Variants in FGF12 observed in about 807,000 individuals in gnomAD.
FGF12 encodes the protein fibroblast growth factor 12B.
Under a neutral mutation model 23.6 loss-of-function variants are expected in FGF12, and 14 were observed. The ratio of observed to expected loss-of-function variants is 0.59; its 90% CI spans 0.39 to 0.93. The LOEUF (loss-of-function observed/expected upper bound fraction) is 0.93. Ranked by LOEUF, FGF12 falls within the 40% of genes least tolerant of loss-of-function variation. The probability of loss-of-function intolerance (pLI) is 0.00; values close to 1 mark genes in which losing one functional copy is unlikely to be tolerated. For missense variants in FGF12, 175 were observed against 217.8 expected (o/e 0.80, Z 1.24); for synonymous variants, 62 against 77.3 (o/e 0.80, Z 1.04).
At chr3:192,180,883 G>A (rs1350679918) in intron 4 of FGF12, among the ~76,000 whole-genome samples, 3 of 152,134 alleles carry the variant, frequency 2.0e-5, no homozygotes, top group Admixed American at 1.3e-4. Context: ...GTATTTGCTT[G>A]GCTCTGTGTT....
chr3:192,512,860 A>ATATATATATATATATAT (rs1183426762), intron 2 of FGF12, among the ~76,000 whole-genome samples: 6 of 105,476 alleles, frequency 5.7e-5, no homozygotes, highest in African/African-American at 1.6e-4. Flanking sequence ...ATATATATAT[A>ATATATATATATATATAT]ACAGGCTATG....
At chr3:192,488,143 T>A (rs935330116) in intron 2 of FGF12, among the ~76,000 whole-genome samples, 35 of 152,152 alleles carry the variant, frequency 2.3e-4, no homozygotes, top group African/African-American at 8.2e-4. Context: ...CCTAAGCTAT[T>A]TATATTATGA....
At chr3:192,693,451 TA>T (rs1718009703) in intron 2 of FGF12, among the ~76,000 whole-genome samples, 7 of 152,230 alleles carry the variant, frequency 4.6e-5, no homozygotes, top group Non-Finnish European at 1.0e-4. Context: ...AGTCCCTGAA[TA>T]GCCAAAGCAG....
chr3:192,516,561 T>TC (rs1724675465), intron 2 of FGF12: 1 of 152,250 alleles, frequency 6.6e-6, no homozygotes, highest in African/African-American at 2.4e-5. Flanking sequence ...CTTCCTTTTT[T>TC]CTCTCAGAGG....
At position 192,190,468 on chromosome 3, in the gene FGF12, C is replaced by CTTTTTTTTTTT. The variant is rs34108891; in HGVS notation, c.229-19823_229-19813dup. ...TCTGACAATCTGTAAGCCCAATACTCTTTTTTTTTTTTTTTTTTTTTTTTT... is the reference window on the plus strand; with the variant it reads ...TCTGACAATCTGTAAGCCCAATACTCTTTTTTTTTTTTTTTTTTTTTTTTTTTTTTTTTTTT... On this transcript the variant is annotated intron_variant, in intron 4 of 5. Transcript: ENST00000445105. Among the ~76,000 whole-genome samples, 14 of 89,136 alleles carry CTTTTTTTTTTT rather than the reference C, an allele frequency of 1.6e-4. 1 individual carries two copies. The highest frequency in any genetic ancestry group is 4.0e-4 in the East Asian group (1 of 2,496). The allele number at this position is 89,136 out of a possible 152,430, so 58.5% of individuals were successfully genotyped here.
chr3:192,216,382 A>G (rs539181558), intron 4 of FGF12, among the ~76,000 whole-genome samples: 2 of 152,340 alleles, frequency 1.3e-5, no homozygotes, highest in African/African-American at 4.8e-5. Flanking sequence ...TTAACAACAA[A>G]ATGGAAATTA....
intron 2 of FGF12, among the ~76,000 whole-genome samples, chr3:192,592,701 G>T (rs1359752439): frequency 6.6e-6 from 1 of 151,690 alleles, no homozygotes; most frequent in Non-Finnish European, 1.5e-5. Context: ...CCACTTTCCA[G>T]AATTCCCTCA....
intron 5 of FGF12, among the ~76,000 whole-genome samples, chr3:192,155,161 C>T (rs368437853): frequency 3.3e-5 from 5 of 152,172 alleles, no homozygotes; most frequent in East Asian, 3.9e-4. Context: ...AATGCCTCGC[C>T]CTGCTTCGGC....
intron 2 of FGF12, among the ~76,000 whole-genome samples, chr3:192,584,529 GC>G (rs1271089855): frequency 1.3e-5 from 2 of 152,020 alleles, no homozygotes; most frequent in Non-Finnish European, 2.9e-5. Flanking sequence ...GCCTACTGTT[GC>G]CCTAGATACT....
chr3:192,228,929 A>T (rs111359948), intron 4 of FGF12, among the ~76,000 whole-genome samples: 43 of 152,168 alleles, frequency 2.8e-4, no homozygotes, highest in Admixed American at 2.6e-4. Context: ...ACGTTTTTTT[A>T]AAATTAACTT....
intron 4 of FGF12, among the ~76,000 whole-genome samples, chr3:192,272,539 T>C (rs1380965882): frequency 1.3e-5 from 2 of 152,158 alleles, no homozygotes; most frequent in Non-Finnish European, 2.9e-5. Flanking sequence ...ATATAAATCC[T>C]CAACAATGGA....
At chr3:192,450,443 CATAG>C (rs1268517357) in intron 2 of FGF12, among the ~76,000 whole-genome samples, 2 of 152,174 alleles carry the variant, frequency 1.3e-5, no homozygotes, top group African/African-American at 4.8e-5. Flanking sequence ...TAATACTAAA[CATAG>C]ATAGAACCGA....
At chr3:192,616,611 A>ATATTTTGAGAAGAG (rs1392543618) in intron 2 of FGF12, among the ~76,000 whole-genome samples, 2 of 152,184 alleles carry the variant, frequency 1.3e-5, no homozygotes, top group East Asian at 3.9e-4. Context: ...GAAAAAAAGT[A>ATATTTTGAGAAGAG]ATATGGGCAG....
chr3:192,656,218 C>T (rs73195153), intron 2 of FGF12, among the ~76,000 whole-genome samples: 4,759 of 151,500 alleles, frequency 0.031, 93 homozygotes, highest in Non-Finnish European at 0.05. Context: ...ACTGTTTCAT[C>T]CCAATCCTTT....
At chr3:192,417,111 A>G (rs1263439415) in intron 2 of FGF12, among the ~76,000 whole-genome samples, 2 of 152,072 alleles carry the variant, frequency 1.3e-5, no homozygotes, top group African/African-American at 4.8e-5. Context: ...GAGGAGATTT[A>G]TTTAAAAGTA....
rs150970483 is a variant in FGF12 at position 192,185,782 on chromosome 3, C to T, written c.229-15126G>A. On this transcript the variant is annotated intron_variant, in intron 4 of 5. Transcript: ENST00000445105. ...GGCTGAGGCAGAGAAATGCTTGAAC[C>T]CAGGAGGCGGAGGTGGCAATGAGCC... Among the ~76,000 whole-genome samples the T allele has an allele frequency of 3.3e-3, 501 of 151,764 alleles. 8 individuals carry two copies. Among genetic ancestry groups the T allele is most frequent in the East Asian group, 0.031 (161 of 5,148 alleles).
chr3:192,614,285 T>G (rs1397679058), intron 2 of FGF12, among the ~76,000 whole-genome samples: 1 of 151,920 alleles, frequency 6.6e-6, no homozygotes, highest in Non-Finnish European at 1.5e-5. Flanking sequence ...TCAAACAATC[T>G]GCTACAAAGA....
chr3:192,399,659 A>G (rs1720674893), intron 2 of FGF12, among the ~76,000 whole-genome samples: 2 of 152,250 alleles, frequency 1.3e-5, no homozygotes, highest in Admixed American at 6.5e-5. Context: ...TATATGATGC[A>G]TATTAGCATA....
intron 4 of FGF12, among the ~76,000 whole-genome samples, chr3:192,270,935 T>C (rs1322379981): frequency 6.6e-6 from 1 of 152,160 alleles, no homozygotes; most frequent in Non-Finnish European, 1.5e-5. Context: ...CAAATTCCAT[T>C]TAAATTGATT....
Sources: allele counts gnomAD v4.1 joint callset (sites outside exome capture counted in the v4.1 genomes callset), GRCh38; gene constraint gnomAD v4.1.1; transcripts MANE v1.5; gene names NCBI Gene and HGNC (gene_info 2026-07-23, HGNC 2026-07-21).